The following GFM1 variants were observed in gnomAD, a reference collection of about 807,000 sequenced individuals.
The protein encoded by GFM1 is G elongation factor mitochondrial 1.
In GFM1, 62 loss-of-function variants were observed where a neutral mutation model predicts 96.2. The observed-to-expected ratio is 0.64, with a 90% CI of 0.53 to 0.80. GFM1 has a LOEUF of 0.80. Ranked by LOEUF, GFM1 falls within the 30% of genes least tolerant of loss-of-function variation. GFM1 has a pLI of 0.00. For synonymous variants in GFM1, 282 were observed against 312.9 expected, an observed-to-expected ratio of 0.90 and a Z score of 1.04; for missense variants, 852 against 916.6, an observed-to-expected ratio of 0.93 and a Z score of 0.91.
chr3:158,654,843 G>A (rs1330635126), intron 8 of GFM1, among the ~76,000 whole-genome samples: 1 of 152,282 alleles, frequency 6.6e-6, no homozygotes, highest in East Asian at 1.9e-4. Context: ...CCTGAAGAGT[G>A]TAAATTTTTA....
At chr3:158,652,375 TTGGCTTCC>T (rs2108017556) in intron 6 of GFM1, 129 bp downstream of exon 6, 1 of 799,670 alleles carries the variant, frequency 1.3e-6, no homozygotes, top group African/African-American at 1.7e-5. Flanking sequence ...TTTAACATAA[TTGGCTTCC>T]TCAAAAAATA....
chr3:158,653,511 C>T (rs762547660), intron 7 of GFM1, 44 bp downstream of exon 7: 30 of 1,379,724 alleles, frequency 2.2e-5, no homozygotes, highest in Middle Eastern at 1.8e-4. Flanking sequence ...GAAATACTTT[C>T]GTATTTATGC....
At chr3:158,655,778 ATCCT>A (rs1223724312) in intron 8 of GFM1, 1 of 451,198 alleles carries the variant, frequency 2.2e-6, no homozygotes, top group Admixed American at 2.4e-5. Flanking sequence ...ATTAACTAAA[ATCCT>A]TACTTCATTT....
At chr3:158,661,591 T>C (rs1201613029) in intron 10 of GFM1, among the ~76,000 whole-genome samples, 1 of 152,202 alleles carries the variant, frequency 6.6e-6, no homozygotes, top group Non-Finnish European at 1.5e-5. Context: ...CATGCACAGG[T>C]AGCTCCTGCC....
chr3:158,670,335 C>T (rs1375509016), intron 13 of GFM1, among the ~76,000 whole-genome samples: 1 of 152,138 alleles, frequency 6.6e-6, no homozygotes, highest in African/African-American at 2.4e-5. Flanking sequence ...CGTTCTTTCT[C>T]TAAAAACCCA....
chr3:158,663,210 G>C (rs1326217261), intron 11 of GFM1, among the ~76,000 whole-genome samples: 1 of 152,094 alleles, frequency 6.6e-6, no homozygotes, highest in East Asian at 1.9e-4. Context: ...TTATAATTGG[G>C]TTTGATGTAA....
intron 13 of GFM1, chr3:158,669,342 ATACT>A (rs1724038124): frequency 2.2e-6 from 3 of 1,338,162 alleles, no homozygotes. Context: ...AGTTTCTAAC[ATACT>A]TAGCAACTAA....
At chr3:158,678,815 CA>C (rs1725122147) in intron 13 of GFM1, among the ~76,000 whole-genome samples, 1 of 152,192 alleles carries the variant, frequency 6.6e-6, no homozygotes, top group Non-Finnish European at 1.5e-5. Context: ...TCACATACAA[CA>C]GAGAAGTCTT....
chr3:158,647,513 C>G lies in GFM1; in HGVS notation c.572+566C>G, dbSNP rs142231236. Reference sequence around the variant, plus strand: ...TAAAAAGAGTCAGAATTTCACTTTTCACCTTTTGTAGATGTGCACGTGTAG... The same window carrying G: ...TAAAAAGAGTCAGAATTTCACTTTTGACCTTTTGTAGATGTGCACGTGTAG... On this transcript the variant is annotated intron_variant, in intron 4 of 17. Coordinates refer to ENST00000486715, the MANE Select transcript of GFM1 (RefSeq NM_024996.7). Among the ~76,000 whole-genome samples the G allele has an allele frequency of 3.8e-3, 572 of 152,290 alleles. 3 individuals are homozygous for G. The highest frequency in any genetic ancestry group is 0.013 in the African/African-American group (529 of 41,556).
chr3:158,675,514 A>T (rs574444567), intron 13 of GFM1, among the ~76,000 whole-genome samples: 1 of 152,190 alleles, frequency 6.6e-6, no homozygotes. Flanking sequence ...TTCCAAGTTC[A>T]TATAAAACTG....
intron 5 of GFM1, chr3:158,651,165 T>C (rs1456108543): frequency 6.6e-6 from 1 of 152,154 alleles, no homozygotes; most frequent in Non-Finnish European, 1.5e-5. Context: ...GGAGAACTGA[T>C]GTCACAGATT....
intron 13 of GFM1, chr3:158,672,261 G>A: frequency 3.3e-6 from 5 of 1,520,960 alleles, no homozygotes; most frequent in Non-Finnish European, 4.5e-6. Context: ...GTGGCACGGA[G>A]TGTCTGCACC....
intron 8 of GFM1, 135 bp from the exon 9 acceptor site, chr3:158,658,787 A>G: frequency 1.1e-6 from 1 of 888,924 alleles, no homozygotes; most frequent in Non-Finnish European, 1.8e-6. Flanking sequence ...AGTTTATGAC[A>G]ATAAACTGAA....
intron 1 of GFM1, 39 bp from the exon 2 acceptor site, chr3:158,645,590 T>C (rs771224407): frequency 7.1e-6 from 11 of 1,556,650 alleles, no homozygotes; most frequent in African/African-American, 5.4e-5. Context: ...TTCTCTCTTA[T>C]AAAAGGTGCA....
intron 13 of GFM1, among the ~76,000 whole-genome samples, chr3:158,669,863 CTTTCAGTATA>C (rs1724107062): frequency 6.6e-6 from 1 of 152,112 alleles, no homozygotes; most frequent in South Asian, 2.1e-4. Context: ...AGTCTTAAAA[CTTTCAGTATA>C]TTTCAGTATT....
intron 13 of GFM1, among the ~76,000 whole-genome samples, chr3:158,670,684 T>A (rs879340600): frequency 3.9e-5 from 6 of 152,184 alleles, no homozygotes; most frequent in Non-Finnish European, 8.8e-5. Flanking sequence ...CTGGAATATT[T>A]AGAATTAAAT....
At chr3:158,686,152 AAT>A (rs1486841159) in intron 15 of GFM1, among the ~76,000 whole-genome samples, 1 of 149,250 alleles carries the variant, frequency 6.7e-6, no homozygotes, top group Non-Finnish European at 1.5e-5. Context: ...GGATATATAT[AAT>A]ATGTTATATA....
rs1242973333 is a variant in GFM1 at position 158,694,609 on chromosome 3, G to C, written c.*3142G>C. 6.6e-6 allele frequency among the ~76,000 whole-genome samples: 1 copy of C among 152,096 alleles called. No individual in the cohort carries two copies. ...GATGGGGTCTCGCTGTGTTTCCCAGGCTGCTCACAAATTCATGAGCTCAAG... is the reference window on the plus strand; with the variant it reads ...GATGGGGTCTCGCTGTGTTTCCCAGCCTGCTCACAAATTCATGAGCTCAAG... On this transcript the variant is annotated 3_prime_UTR_variant, in exon 18 of 18. Coordinates refer to ENST00000486715, the MANE Select transcript of GFM1 (RefSeq NM_024996.7).
chr3:158,673,508 CTT>C (rs766011688), intron 13 of GFM1, among the ~76,000 whole-genome samples: 4 of 114,248 alleles, frequency 3.5e-5, no homozygotes, highest in Admixed American at 8.9e-5. Flanking sequence ...CTTTTCTTTT[CTT>C]TTTTTTTTTT....
Sources: gnomAD v4.1 joint callset for allele counts (sites outside exome capture counted in the v4.1 genomes callset) on GRCh38, gnomAD v4.1.1 for gene constraint, MANE v1.5 for transcripts, NCBI Gene and HGNC (gene_info 2026-07-23, HGNC 2026-07-21) for gene names.